Variants in ADAMDEC1 observed in about 807,000 individuals in gnomAD.
The protein encoded by ADAMDEC1 is ADAM DEC1.
In ADAMDEC1, 62 loss-of-function variants were observed where a neutral mutation model predicts 60.4. That is an observed-to-expected ratio of 1.03 (90% CI 0.84 to 1.27). The LOEUF (loss-of-function observed/expected upper bound fraction) is 1.27. Ranked by LOEUF, ADAMDEC1 falls within the 50% of genes most tolerant of loss-of-function variation. ADAMDEC1 has a pLI of 0.00. For synonymous variants in ADAMDEC1, 210 were observed against 195.1 expected (o/e 1.08, Z -0.64); for missense variants, 595 against 565.0 (o/e 1.05, Z -0.54).
chr8:24,396,842 C>T (rs1817626227), intron 5 of ADAMDEC1, among the ~76,000 whole-genome samples: 2 of 152,148 alleles, frequency 1.3e-5, no homozygotes, highest in Non-Finnish European at 2.9e-5. Context: ...ATTCTTTAAG[C>T]TACTTCTAAT....
At chr8:24,397,807 G>A in intron 7 of ADAMDEC1, 62 bp downstream of exon 7, 9 of 1,469,422 alleles carry the variant, frequency 6.1e-6, no homozygotes, top group Non-Finnish European at 8.5e-6. Flanking sequence ...TACTTATCAA[G>A]CAAAAGCAAG....
Position 24,398,956 on chromosome 8 carries a change from G to C in ADAMDEC1, c.845G>C (p.Ser282Thr). 1 of 1,613,748 alleles carries C rather than the reference G, an allele frequency of 6.2e-7. No homozygotes were observed. Among genetic ancestry groups the C allele is most frequent in the Non-Finnish European group, 8.5e-7 (1 of 1,179,802 alleles). The change falls in exon 9 of 14, where the codon AGC becomes ACC. Residue 282 changes from serine (S) to threonine (T), a missense_variant. Coordinates refer to ENST00000256412, the MANE Select transcript of ADAMDEC1 (RefSeq NM_014479.3). ...GGGGATAAGATAAAGGTGGTGCCCA[G>C]CGCAAGCACCACGTTTGACAACTTC... ...SDGDKIKVVP[S>T]ASTTFDNFLR...
At chr8:24,392,570 G>C (rs1817472684) in intron 2 of ADAMDEC1, among the ~76,000 whole-genome samples, 190 bp downstream of exon 2, 1 of 152,168 alleles carries the variant, frequency 6.6e-6, no homozygotes, top group Non-Finnish European at 1.5e-5. Flanking sequence ...AAGCAGCAGA[G>C]AGTCAACAGC....
chr8:24,392,507 A>C, intron 2 of ADAMDEC1, 127 bp downstream of exon 2: 2 of 625,102 alleles, frequency 3.2e-6, no homozygotes, highest in East Asian at 3.0e-5. Flanking sequence ...CATGTATACA[A>C]CTCCCCTTTG....
chr8:24,398,533 G>A lies in ADAMDEC1; in HGVS notation c.744G>A (p.Val248=), dbSNP rs758030476. 1.9e-6 allele frequency: 3 copies of A among 1,602,952 alleles called. No individual in the cohort carries two copies. The South Asian group carries it at 3.3e-5, about 18-fold the overall frequency. Reference sequence around the variant, plus strand: ...TGATAAGAAGCTTTGTGTTTGATGTGATGAACCTACTCAATGTGGTAAGAC... The same window carrying A: ...TGATAAGAAGCTTTGTGTTTGATGTAATGAACCTACTCAATGTGGTAAGAC... The part of the protein sequence containing the change: ...LTLIRSFVFD[V]MNLLNVIYNT... The change falls in exon 8 of 14, where the codon GTG becomes GTA. Residue 248 remains valine, a synonymous_variant. Transcript: ENST00000256412.
At chr8:24,390,174 T>G in intron 1 of ADAMDEC1, 1 of 1,084,098 alleles carries the variant, frequency 9.2e-7, no homozygotes, top group South Asian at 1.3e-5. Context: ...TAAATATTTG[T>G]GAAATGAATA....
Position 24,384,525 on chromosome 8 carries a change from G to C in ADAMDEC1, c.21G>C (p.Gln7His). Reference sequence around the variant, plus strand: ...ACTTCATGCTGCGTGGGATCTCCCAGCTACCTGCAGTGGCCACCATGTCTT... The same window carrying C: ...ACTTCATGCTGCGTGGGATCTCCCACCTACCTGCAGTGGCCACCATGTCTT... The part of the protein sequence containing the change: MLRGIS[Q>H]LPAVATMSWV... Residue 7 changes from glutamine (Q) to histidine (H), a missense_variant, in exon 1 of 14, where the codon CAG (glutamine) becomes CAC (histidine). By Grantham distance (24) the Gln-to-His change is conservative. Coordinates refer to ENST00000256412, the MANE Select transcript of ADAMDEC1 (RefSeq NM_014479.3). 1 of 1,609,466 alleles carries C rather than the reference G, an allele frequency of 6.2e-7. No homozygotes were observed. The highest frequency in any genetic ancestry group is 1.1e-5 in the South Asian group (1 of 90,246).
intron 1 of ADAMDEC1, among the ~76,000 whole-genome samples, chr8:24,386,201 G>C (rs925126714): frequency 6.6e-5 from 10 of 152,042 alleles, no homozygotes; most frequent in Admixed American, 4.6e-4. Flanking sequence ...CTATTATTTT[G>C]GAAGATATTC....
At position 24,405,301 on chromosome 8, in the gene ADAMDEC1, C is replaced by T. The variant is rs765816505; in HGVS notation, c.*3C>T. The T allele has an allele frequency of 5.0e-6, 8 of 1,612,586 alleles. No individual in the cohort carries two copies. Among genetic ancestry groups the T allele is most frequent in the Non-Finnish European group, 6.8e-6 (8 of 1,179,214 alleles). On this transcript the variant is annotated 3_prime_UTR_variant, in exon 14 of 14. Coordinates refer to ENST00000256412, the MANE Select transcript of ADAMDEC1 (RefSeq NM_014479.3). ...TTTTTCCTTCAATCAGAGAGTGAAT[C>T]CAAAAGTCTGCTTCACTGAGATGCT...
chr8:24,396,528 AAAAG>A (rs1456043774), intron 5 of ADAMDEC1, among the ~76,000 whole-genome samples: 5 of 152,198 alleles, frequency 3.3e-5, no homozygotes, highest in African/African-American at 1.2e-4. Context: ...AAAAAAAAGA[AAAAG>A]AAGGTAACAA....
intron 3 of ADAMDEC1, among the ~76,000 whole-genome samples, chr8:24,393,739 T>C (rs1232721804): frequency 2.0e-5 from 3 of 152,150 alleles, no homozygotes; most frequent in Non-Finnish European, 4.4e-5. Flanking sequence ...CTGAATGCAA[T>C]GGGCCTATAA....
intron 4 of ADAMDEC1, 135 bp from the exon 5 acceptor site, chr8:24,395,585 A>AT (rs1355332888): frequency 3.3e-6 from 2 of 608,354 alleles, no homozygotes; most frequent in Non-Finnish European, 5.5e-6. Context: ...TACTTGAAGA[A>AT]TTTTTACATA....
Position 24,398,952 on chromosome 8 carries a change from C to G in ADAMDEC1, c.841C>G (p.Pro281Ala). The G allele has an allele frequency of 6.2e-7, 1 of 1,613,754 alleles. No individual in the cohort carries two copies. The highest frequency in any genetic ancestry group is 8.5e-7 in the Non-Finnish European group (1 of 1,179,852). The change falls in exon 9 of 14, where the codon CCC becomes GCC. Residue 281 changes from proline to alanine, a missense_variant. Physicochemically the swap from Pro to Ala is conservative, Grantham distance 27. Coordinates refer to ENST00000256412, the MANE Select transcript of ADAMDEC1 (RefSeq NM_014479.3). ...WSDGDKIKVV[P>A]SASTTFDNFL... ...TGATGGGGATAAGATAAAGGTGGTGCCCAGCGCAAGCACCACGTTTGACAA... is the reference window on the plus strand; with the variant it reads ...TGATGGGGATAAGATAAAGGTGGTGGCCAGCGCAAGCACCACGTTTGACAA...
At chr8:24,397,927 C>A (rs1448593125) in intron 7 of ADAMDEC1, among the ~76,000 whole-genome samples, 182 bp downstream of exon 7, 1 of 151,828 alleles carries the variant, frequency 6.6e-6, no homozygotes, top group Non-Finnish European at 1.5e-5. Context: ...TATCCATCTG[C>A]CACCAAAATA....
In ADAMDEC1 at chr8:24,397,290, A is replaced by G. The variant is rs771261454; in HGVS notation, c.461A>G (p.His154Arg). ...DGLRGYFTHHHQRYQIKPLKS... is the reference protein window; with the variant it reads ...DGLRGYFTHHRQRYQIKPLKS... The stretch of plus-strand genomic sequence containing the variant: ...CCCAGAGGATACTTCACACATCATC[A>G]CCAAAGATACCAGATAAAACCTCTG... The change falls in exon 6 of 14, where the codon CAC (histidine) becomes CGC (arginine). Residue 154 changes from histidine to arginine, a missense_variant. His to Arg is a conservative substitution (Grantham distance 29). Coordinates refer to ENST00000256412, the MANE Select transcript of ADAMDEC1 (RefSeq NM_014479.3). The G allele has an allele frequency of 2.5e-6, 4 of 1,613,414 alleles. No individual in the cohort carries two copies. Among genetic ancestry groups the G allele is most frequent in the Non-Finnish European group, 3.4e-6 (4 of 1,179,826 alleles).
chr8:24,402,457 G>T (rs1289800086), intron 12 of ADAMDEC1, among the ~76,000 whole-genome samples: 2 of 152,124 alleles, frequency 1.3e-5, no homozygotes, highest in African/African-American at 4.8e-5. Flanking sequence ...CAGAGGGAGA[G>T]TTGGTCTTTT....
intron 10 of ADAMDEC1, among the ~76,000 whole-genome samples, chr8:24,399,801 A>G (rs1369050419): frequency 1.3e-5 from 2 of 152,178 alleles, no homozygotes; most frequent in African/African-American, 2.4e-5. Flanking sequence ...CAGAGAGGCC[A>G]GACAAGGAAG....
At chr8:24,397,011 C>T (rs148562581) in intron 5 of ADAMDEC1, among the ~76,000 whole-genome samples, 298 of 152,278 alleles carry the variant, frequency 2.0e-3, no homozygotes, top group African/African-American at 6.6e-3. Flanking sequence ...ATATTTACCA[C>T]GGTGCAAATT....
At chr8:24,390,054 T>C in intron 1 of ADAMDEC1, 1 of 411,646 alleles carries the variant, frequency 2.4e-6, no homozygotes, top group Non-Finnish European at 4.8e-6. Flanking sequence ...TAATATAATA[T>C]CATTTCCCAA....
Sources: allele counts gnomAD v4.1 joint callset (sites outside exome capture counted in the v4.1 genomes callset), GRCh38; gene constraint gnomAD v4.1.1; transcripts MANE v1.5; gene names NCBI Gene and HGNC (gene_info 2026-07-23, HGNC 2026-07-21).